Variants in PLCE1 observed in about 807,000 individuals in gnomAD.
The protein encoded by PLCE1 is phospholipase C epsilon 1, also known as 1-phosphatidylinositol 4,5-bisphosphate phosphodiesterase epsilon-1.
PLCE1 carries 119 observed loss-of-function variants against 242.8 expected under a neutral mutation model. That is an observed-to-expected ratio of 0.49 (90% confidence interval 0.42 to 0.57). The LOEUF (loss-of-function observed/expected upper bound fraction) is 0.57, where lower values mean the gene tolerates loss of function less well. PLCE1 is among the 20% of genes least tolerant of loss of function. The pLI is 0.00. For missense variants in PLCE1, 2,441 were observed against 2,788.8 expected (o/e 0.88, Z 2.81); for synonymous variants, 945 against 1,017.4 (o/e 0.93, Z 1.35).
At chr10:94,325,137 G>C in intron 32 of PLCE1, 33 bp downstream of exon 32, 1 of 1,457,224 alleles carries the variant, frequency 6.9e-7, no homozygotes, top group Non-Finnish European at 9.6e-7. Flanking sequence ...CCTGGAACAG[G>C]GCTTAACTTA....
At chr10:94,023,363 T>A (rs2061406501) in intron 1 of PLCE1, among the ~76,000 whole-genome samples, 1 of 152,212 alleles carries the variant, frequency 6.6e-6, no homozygotes, top group African/African-American at 2.4e-5. Context: ...AATCTTGTGT[T>A]GCCCACTTTT....
At chr10:94,110,662 A>C (rs1481525234) in intron 2 of PLCE1, among the ~76,000 whole-genome samples, 1 of 152,270 alleles carries the variant, frequency 6.6e-6, no homozygotes, top group African/African-American at 2.4e-5. Flanking sequence ...AAAACTACAC[A>C]GTGGTAGTGG....
chr10:94,218,895 T>A (rs989251124), intron 4 of PLCE1, among the ~76,000 whole-genome samples: 1 of 81,586 alleles, frequency 1.2e-5, no homozygotes, highest in Non-Finnish European at 2.4e-5. Context: ...TAATTTTATA[T>A]ATAATTATAA....
At chr10:94,040,262 G>A (rs1032413335) in intron 2 of PLCE1, among the ~76,000 whole-genome samples, 13 of 152,116 alleles carry the variant, frequency 8.5e-5, no homozygotes, top group African/African-American at 3.1e-4. Flanking sequence ...GGCTCCAAAT[G>A]TGATTTTAAA....
At chr10:94,004,156 A>G (rs980499837) in intron 1 of PLCE1, among the ~76,000 whole-genome samples, 2 of 152,176 alleles carry the variant, frequency 1.3e-5, no homozygotes, top group Non-Finnish European at 2.9e-5. Flanking sequence ...AAAAAAAAAA[A>G]AAATTGTAAG....
intron 22 of PLCE1, among the ~76,000 whole-genome samples, chr10:94,291,251 G>A (rs1378443354): frequency 2.0e-5 from 3 of 152,128 alleles, no homozygotes; most frequent in Non-Finnish European, 4.4e-5. Flanking sequence ...AGCCTCCCAA[G>A]TCGCTGGGAC....
Position 94,246,162 on chromosome 10 carries a change from C to A in PLCE1, c.2637C>A (p.Arg879=). ...ACCAGGACACACACCTCTCTGCCCG[C>A]TGCTTCCTCCAGCTTCAGCCCGACA... is the stretch of plus-strand genomic sequence containing the variant. The part of the protein sequence containing the change: ...HYDQDTHLSA[R]CFLQLQPDNS... Residue 879 remains arginine (R), a synonymous_variant, in exon 8 of 33, where the codon CGC becomes CGA. Transcript: ENST00000371380. 1 of 1,614,158 alleles carries A rather than the reference C, an allele frequency of 6.2e-7. No homozygotes were observed.
rs771055312 is a variant in PLCE1, at chr10:94,140,176, CAT to C, written c.1492+7718_1492+7719del. Among the ~76,000 whole-genome samples, 119 of 151,926 alleles carry C rather than the reference CAT, an allele frequency of 7.8e-4. 1 individual carries two copies. The highest frequency in any genetic ancestry group is 2.9e-3 in the Admixed American group (45 of 15,264). ...TTAGCTATATTAAAGTTATTTATCA[CAT>C]GTCAGCTATAAATAGAATATTGATA... On this transcript the variant is annotated intron_variant, in intron 3 of 32. Transcript: ENST00000371380.
chr10:94,210,509 A>G (rs2049299119), intron 4 of PLCE1, among the ~76,000 whole-genome samples: 1 of 152,138 alleles, frequency 6.6e-6, no homozygotes, highest in Non-Finnish European at 1.5e-5. Context: ...GCTCACCAAA[A>G]TCACTCAAGT....
At chr10:94,171,775 C>A (rs1290041662) in intron 4 of PLCE1, among the ~76,000 whole-genome samples, 2 of 152,072 alleles carry the variant, frequency 1.3e-5, no homozygotes, top group Non-Finnish European at 2.9e-5. Context: ...ACCCAGAATG[C>A]CAATCTCCAA....
intron 4 of PLCE1, among the ~76,000 whole-genome samples, chr10:94,209,621 A>G (rs979966159): frequency 2.0e-5 from 3 of 152,226 alleles, no homozygotes; most frequent in African/African-American, 7.2e-5. Context: ...GGTATGTTCT[A>G]TGAATGAATA....
intron 4 of PLCE1, among the ~76,000 whole-genome samples, chr10:94,224,747 A>G (rs888267795): frequency 6.6e-6 from 1 of 152,166 alleles, no homozygotes; most frequent in Admixed American, 6.5e-5. Flanking sequence ...TGCACCAATG[A>G]CTCAGTCTCT....
intron 2 of PLCE1, among the ~76,000 whole-genome samples, chr10:94,109,538 G>A (rs1243303430): frequency 6.6e-6 from 1 of 152,148 alleles, no homozygotes; most frequent in Non-Finnish European, 1.5e-5. Context: ...AACCTGGGAG[G>A]CAGAGGTTGC....
At chr10:94,301,493 T>C (rs1432158224) in intron 24 of PLCE1, among the ~76,000 whole-genome samples, 1 of 152,122 alleles carries the variant, frequency 6.6e-6, no homozygotes, top group African/African-American at 2.4e-5. Flanking sequence ...CCCAACTAAA[T>C]AGCAGAGAAA....
At chr10:94,253,592 T>C (rs1270003104) in intron 9 of PLCE1, among the ~76,000 whole-genome samples, 1 of 152,108 alleles carries the variant, frequency 6.6e-6, no homozygotes, top group Non-Finnish European at 1.5e-5. Context: ...AGGCCTTAAG[T>C]AATCCTATTG....
chr10:94,081,168 T>G (rs1226737641), intron 2 of PLCE1, among the ~76,000 whole-genome samples: 1 of 152,236 alleles, frequency 6.6e-6, no homozygotes, highest in Non-Finnish European at 1.5e-5. Context: ...GTTTATATCT[T>G]TTTCCATTTT....
intron 4 of PLCE1, among the ~76,000 whole-genome samples, chr10:94,183,240 T>A (rs1056209409): frequency 9.8e-5 from 15 of 152,334 alleles, no homozygotes; most frequent in African/African-American, 3.6e-4. Context: ...GCCCAAAAGA[T>A]TTAAACATTC....
chr10:94,287,291 A>G (rs2052484077), intron 22 of PLCE1: 1 of 152,184 alleles, frequency 6.6e-6, no homozygotes, highest in Admixed American at 6.5e-5. Flanking sequence ...GGATTGCCAG[A>G]ATGATTGTTA....
At chr10:94,114,539 G>T (rs183192019) in intron 2 of PLCE1, among the ~76,000 whole-genome samples, 1 of 152,164 alleles carries the variant, frequency 6.6e-6, no homozygotes, top group African/African-American at 2.4e-5. Context: ...TCCAAGATCT[G>T]CTCTGTTCTA....
Sources: allele counts gnomAD v4.1 joint callset (sites outside exome capture counted in the v4.1 genomes callset), GRCh38; gene constraint gnomAD v4.1.1; transcripts MANE v1.5; gene names NCBI Gene and HGNC (gene_info 2026-07-23, HGNC 2026-07-21).